The following PCNT variants were observed in gnomAD, a reference collection of about 807,000 sequenced individuals.
PCNT encodes the protein pericentrin, also known as kendrin.
PCNT carries 319 observed loss-of-function variants against 380.4 expected under a neutral mutation model. The observed-to-expected ratio is 0.84, with a 90% CI of 0.77 to 0.92. PCNT has a LOEUF of 0.92. Among genes scored for constraint, PCNT ranks in the 40% least tolerant of loss-of-function variants. PCNT has a pLI of 0.00. For missense variants in PCNT, 4,400 were observed against 4,255.3 expected (o/e 1.03, Z -0.95); for synonymous variants, 1,845 against 1,735.2 (o/e 1.06, Z -1.57).
At chr21:46,359,663 A>G (rs1029840291) in intron 13 of PCNT, among the ~76,000 whole-genome samples, 2 of 139,732 alleles carry the variant, frequency 1.4e-5, no homozygotes, top group Non-Finnish European at 3.2e-5. Context: ...TAATTTTTGT[A>G]TTTTTAATAG....
chr21:46,372,164 GCA>G (rs1162001515), intron 15 of PCNT, among the ~76,000 whole-genome samples: 4 of 144,222 alleles, frequency 2.8e-5, no homozygotes, highest in South Asian at 4.5e-4. Context: ...CAAGGCACAC[GCA>G]CACACACAGC....
intron 31 of PCNT, chr21:46,420,764 A>G (rs2087217555): frequency 6.6e-6 from 1 of 152,478 alleles, no homozygotes; most frequent in South Asian, 2.0e-4. Flanking sequence ...CAGCAGTCAC[A>G]TCCCAGAGTT....
chr21:46,355,539 G>C lies in PCNT; in HGVS notation c.1849G>C (p.Glu617Gln), dbSNP rs747165033. 4 of 1,614,150 alleles carry C rather than the reference G, an allele frequency of 2.5e-6. No homozygotes were observed. The Admixed American group carries it at 6.7e-5, about 27-fold the overall frequency. ...GGAGTCTCCCCTCTGCATCCAGCAC[G>C]AGGGGCATGTCTCAGACAGATGCTG... is the stretch of plus-strand genomic sequence containing the variant. ...ALESPLCIQHEGHVSDRCCVE... is the reference protein window; with the variant it reads ...ALESPLCIQHQGHVSDRCCVE... Residue 617 changes from glutamate (E) to glutamine (Q), a missense_variant, in exon 12 of 47, where the codon GAG becomes CAG. Coordinates refer to ENST00000359568, the MANE Select transcript of PCNT (RefSeq NM_006031.6).
At chr21:46,353,678 CAT>C (rs1240371559) in intron 10 of PCNT, among the ~76,000 whole-genome samples, 3 of 148,328 alleles carry the variant, frequency 2.0e-5, no homozygotes, top group Non-Finnish European at 3.0e-5. Flanking sequence ...CTCCTCCAGG[CAT>C]GTGTGTGTGT....
chr21:46,327,252 G>A (rs534724016), intron 2 of PCNT, among the ~76,000 whole-genome samples: 2 of 151,978 alleles, frequency 1.3e-5, no homozygotes, highest in South Asian at 4.2e-4. Flanking sequence ...ATAGAGGTGG[G>A]GTTTCACTGT....
intron 38 of PCNT, 49 bp downstream of exon 38, chr21:46,432,264 A>C: frequency 6.5e-7 from 1 of 1,538,182 alleles, no homozygotes; most frequent in Non-Finnish European, 8.8e-7. Context: ...ACGATAAGCA[A>C]TTGGAGTTAG....
rs370209525 is a variant in PCNT, at chr21:46,432,055, A to G, written c.8591A>G (p.Glu2864Gly). ...KRELRCSLER[E>G]REKPAWLQAE... ...GAGCTGAGATGCTCTCTGGAGAGAG[A>G]GAGGGAGAAACCAGCGTGGTTGCAG... is the stretch of plus-strand genomic sequence containing the variant. The change falls in exon 38 of 47, where the codon GAG (glutamate) becomes GGG (glycine). Residue 2864 changes from glutamate (E) to glycine (G), a missense_variant. Coordinates refer to ENST00000359568, the MANE Select transcript of PCNT (RefSeq NM_006031.6). The G allele has an allele frequency of 1.6e-5, 26 of 1,614,022 alleles. No individual in the cohort carries two copies. The African/African-American group carries it at 2.9e-4, about 18-fold the overall frequency.
At chr21:46,344,438 C>A (rs1344841083) in intron 3 of PCNT, among the ~76,000 whole-genome samples, 1 of 152,214 alleles carries the variant, frequency 6.6e-6, no homozygotes, top group African/African-American at 2.4e-5. Context: ...GGGGACGAGT[C>A]CCCGCACAGG....
intron 16 of PCNT, among the ~76,000 whole-genome samples, chr21:46,385,213 G>A (rs562395100): frequency 5.3e-5 from 8 of 152,260 alleles, no homozygotes; most frequent in South Asian, 2.1e-4. Flanking sequence ...AAAATTAGCC[G>A]TGTGTGGTGG....
intron 32 of PCNT, 107 bp downstream of exon 32, chr21:46,422,231 T>C: frequency 7.1e-7 from 1 of 1,403,012 alleles, no homozygotes; most frequent in Non-Finnish European, 9.8e-7. Context: ...GGCCAGCTTT[T>C]CCTGGGTGCC....
chr21:46,430,604 G>A lies in PCNT; in HGVS notation c.8011G>A (p.Glu2671Lys). ...GCGTGCCCTGCAGAGCCAGCTGGAG[G>A]AGGAGCAGCTGCGGCACCTGCAGAG... ...KGRALQSQLE[E>K]EQLRHLQRES... Residue 2671 changes from glutamate (E) to lysine (K), a missense_variant, in exon 37 of 47, where the codon GAG becomes AAG. Coordinates refer to ENST00000359568, the MANE Select transcript of PCNT (RefSeq NM_006031.6). 2.6e-6 allele frequency: 4 copies of A among 1,568,414 alleles called. No individual in the cohort carries two copies. Among genetic ancestry groups the A allele is most frequent in the Non-Finnish European group, 3.5e-6 (4 of 1,157,208 alleles).
At chr21:46,383,175 G>A (rs1483618359) in intron 16 of PCNT, among the ~76,000 whole-genome samples, 1 of 148,378 alleles carries the variant, frequency 6.7e-6, no homozygotes, top group East Asian at 2.0e-4. Context: ...CATTCACAGT[G>A]TTGTATATTC....
chr21:46,405,978 A>G (rs1040648627), intron 27 of PCNT, among the ~76,000 whole-genome samples: 3 of 152,152 alleles, frequency 2.0e-5, no homozygotes, highest in Non-Finnish European at 2.9e-5. Flanking sequence ...AAAGATGCGG[A>G]TGCTATTTTG....
In PCNT at chr21:46,340,993, C is replaced by T. The variant is rs900752111; in HGVS notation, c.640-5135C>T. Among the ~76,000 whole-genome samples, 3 of 152,338 alleles carry T rather than the reference C, an allele frequency of 2.0e-5. No individual in the cohort carries two copies. The East Asian group carries it at 5.8e-4, about 29-fold the overall frequency. On this transcript the variant is annotated intron_variant, in intron 3 of 46. Transcript: ENST00000359568. ...CTGCCTCCCAGGTTCAAGAGATTCT[C>T]ATGCCTCAGCCTCCTGAGTAGCTGG...
At chr21:46,431,477 G>C (rs567984661) in intron 37 of PCNT, 52 bp from the exon 38 acceptor site, 7 of 1,613,398 alleles carry the variant, frequency 4.3e-6, no homozygotes, top group Admixed American at 3.3e-5. Flanking sequence ...AAACCATGTA[G>C]ACACTTTTCC....
At chr21:46,369,432 A>G (rs2085042939) in intron 15 of PCNT, among the ~76,000 whole-genome samples, 1 of 152,202 alleles carries the variant, frequency 6.6e-6, no homozygotes, top group Non-Finnish European at 1.5e-5. Context: ...AAAATTAGAC[A>G]GGGGTCTGAT....
At chr21:46,399,429 G>GGGTCTCTGTTCAGCCTGTGGGTCTA (rs2086346763) in intron 24 of PCNT, among the ~76,000 whole-genome samples, 161 bp from the exon 25 acceptor site, 1 of 103,248 alleles carries the variant, frequency 9.7e-6, no homozygotes. Flanking sequence ...CTTTGCGTCT[G>GGGTCTCTGTTCAGCCTGTGGGTCTA]GGTCTCCCTG....
rs1425966224 is a variant in PCNT, at chr21:46,425,714, C to G, written c.7180-117C>G. 1 of 1,480,842 alleles carries G rather than the reference C, an allele frequency of 6.8e-7. No homozygotes were observed. Among genetic ancestry groups the G allele is most frequent in the African/African-American group, 1.4e-5 (1 of 72,468 alleles). The allele number at this position is 1,480,842 out of a possible 1,614,324, so 91.7% of individuals were successfully genotyped here. ...ACGAAGCCGAGGCGGTGCCCTCCCTCTCCACAGCTGCCCGCCCTTCACAGA... is the reference window on the plus strand; with the variant it reads ...ACGAAGCCGAGGCGGTGCCCTCCCTGTCCACAGCTGCCCGCCCTTCACAGA... On this transcript the variant is annotated intron_variant, in intron 32 of 46. Coordinates refer to ENST00000359568, the MANE Select transcript of PCNT (RefSeq NM_006031.6). This position sits in a 1 kb window ranked among gnomAD's most constrained non-coding sequence, Gnocchi z 4.2.
chr21:46,372,611 C>T (rs945775110), intron 15 of PCNT, among the ~76,000 whole-genome samples: 1 of 152,144 alleles, frequency 6.6e-6, no homozygotes, highest in African/African-American at 2.4e-5. Flanking sequence ...CATATGGTTT[C>T]AAGGGGGTTT....
Sources: allele counts gnomAD v4.1 joint callset (sites outside exome capture counted in the v4.1 genomes callset), GRCh38; gene constraint gnomAD v4.1.1; non-coding constraint Gnocchi (gnomAD v3.1); transcripts MANE v1.5; gene names NCBI Gene and HGNC (gene_info 2026-07-23, HGNC 2026-07-21).